The following DNAH1 variants were observed in gnomAD, a reference collection of about 807,000 sequenced individuals.
The protein encoded by DNAH1 is dynein axonemal heavy chain 1, also known as axonemal beta dynein heavy chain 1.
Under a neutral mutation model 484.3 loss-of-function variants are expected in DNAH1, and 327 were observed. That is an observed-to-expected ratio of 0.68 (90% CI 0.62 to 0.74). The LOEUF is 0.74. Ranked by LOEUF, DNAH1 falls within the 30% of genes least tolerant of loss-of-function variation. The pLI, the probability that DNAH1 is intolerant of heterozygous loss-of-function variation, is 0.00. For missense variants in DNAH1, 5,052 were observed against 5,546.8 expected (o/e 0.91, Z 2.83); for synonymous variants, 2,192 against 2,191.9 (o/e 1.00, Z 0.00).
rs1324784441 is a variant in DNAH1 at position 52,394,565 on chromosome 3, C to G, written c.10727C>G (p.Ala3576Gly). Reference sequence around the variant, plus strand: ...GACCGGGCTTGGCGAGACATCCTAGCACTCTCGAACCTGCCAACCTTTTCC... The same window carrying G: ...GACCGGGCTTGGCGAGACATCCTAGGACTCTCGAACCTGCCAACCTTTTCC... Reference protein sequence around the residue: ...LSDRAWRDILALSNLPTFSSF... With the variant: ...LSDRAWRDILGLSNLPTFSSF... The change falls in exon 67 of 78, where the codon GCA (alanine) becomes GGA (glycine). Residue 3576 changes from alanine (A) to glycine (G), a missense_variant. Physicochemically the swap from Ala to Gly is moderately conservative, Grantham distance 60. This residue lies in a region of DNAH1 where 853 missense variants were observed against 899.0 expected (regional missense o/e 0.95). Coordinates refer to ENST00000420323, the MANE Select transcript of DNAH1 (RefSeq NM_015512.5). The G allele has an allele frequency of 1.9e-6, 3 of 1,613,192 alleles. No individual in the cohort carries two copies. Among genetic ancestry groups the G allele is most frequent in the Non-Finnish European group, 2.5e-6 (3 of 1,179,440 alleles).
At chr3:52,346,441 G>A (rs1578111287) in intron 10 of DNAH1, 31 bp from the exon 11 acceptor site, 2 of 1,583,048 alleles carry the variant, frequency 1.3e-6, no homozygotes, top group East Asian at 4.6e-5. Context: ...TCCCCAGGGT[G>A]GCCATATGAT....
rs796374520 is a variant in DNAH1 at position 52,353,220 on chromosome 3, G to A, written c.3145G>A (p.Asp1049Asn). Residue 1049 changes from aspartate (D) to asparagine (N), a missense_variant, in exon 19 of 78, where the codon GAT becomes AAT. Around this residue, in one of 4 missense-constraint regions of DNAH1, gnomAD observed 2,929 missense variants for 3,409.4 expected, o/e 0.86. Transcript: ENST00000420323. The surrounding 1 kb of genome is among the most constrained non-coding windows in gnomAD (Gnocchi z 5.0). ...GATGAATGACCCCCTCTCTGCCATC[G>A]ATGCTGAGCAGCTGGAGAAGAACGT... The part of the protein sequence containing the change: ...SWMNDPLSAI[D>N]AEQLEKNVVE... The A allele has an allele frequency of 1.9e-6, 3 of 1,613,974 alleles. No individual in the cohort carries two copies. The highest frequency in any genetic ancestry group is 2.2e-5 in the East Asian group (1 of 44,888).
intron 59 of DNAH1, 137 bp downstream of exon 59, chr3:52,389,074 G>T (rs1009439221): frequency 4.3e-5 from 49 of 1,150,920 alleles, no homozygotes; most frequent in Admixed American, 8.6e-5. Context: ...CACTTAGCAG[G>T]CTCCCTCTCT....
At chr3:52,366,361 G>A (rs1262784350) in intron 34 of DNAH1, 96 bp from the exon 35 acceptor site, 1 of 926,342 alleles carries the variant, frequency 1.1e-6, no homozygotes. Context: ...TGAGGCTCAG[G>A]GAGTGCAGTG....
chr3:52,351,089 A>T (rs1702359017), intron 16 of DNAH1, among the ~76,000 whole-genome samples: 1 of 152,124 alleles, frequency 6.6e-6, no homozygotes, highest in Admixed American at 6.5e-5. Flanking sequence ...ACCTCAGGTG[A>T]TCCACCCGCC....
chr3:52,375,485 G>C (rs928789114), intron 45 of DNAH1, 72 bp downstream of exon 45: 3 of 1,536,292 alleles, frequency 2.0e-6, no homozygotes, highest in African/African-American at 2.7e-5. Flanking sequence ...AAGGACAACT[G>C]GGTGGCCACC....
At chr3:52,363,770 G>A (rs1366215932) in intron 32 of DNAH1, among the ~76,000 whole-genome samples, 1 of 152,166 alleles carries the variant, frequency 6.6e-6, no homozygotes. Flanking sequence ...CCTTCTCTGG[G>A]TCACCTGCTC....
Position 52,384,805 on chromosome 3 carries a change from T to C in DNAH1, c.8342T>C (p.Ile2781Thr), listed in dbSNP as rs1704025715. Residue 2781 changes from isoleucine (I) to threonine (T), a missense_variant, in exon 53 of 78, where the codon ATC (isoleucine) becomes ACC (threonine). By Grantham distance (89) the Ile-to-Thr change is moderately conservative (BLOSUM62 -1). This residue lies in a region of DNAH1 where 2,929 missense variants were observed against 3,409.4 expected (regional missense o/e 0.86). Coordinates refer to ENST00000420323, the MANE Select transcript of DNAH1 (RefSeq NM_015512.5). ...CCCCAGATCCAGGTCTGTGTGTACA[T>C]CCACCAGTCGGTGTCCAAGAAGTGC... ...IQGLIQVCVY[I>T]HQSVSKKCIE... The C allele has an allele frequency of 6.2e-7, 1 of 1,605,918 alleles. No homozygotes were observed. The highest frequency in any genetic ancestry group is 8.5e-7 in the Non-Finnish European group (1 of 1,176,248).
Position 52,364,805 on chromosome 3 carries a change from C to T in DNAH1, c.5332-28C>T, listed in dbSNP as rs1703003235. On this transcript the variant is annotated intron_variant, in intron 33 of 77. Transcript: ENST00000420323. The surrounding 1 kb of genome is among the most constrained non-coding windows in gnomAD (Gnocchi z 4.2). The stretch of plus-strand genomic sequence containing the variant: ...GCTGGAGGGCAGCTGGCCCACTGCC[C>T]TGAAGGCTCAGCCGGCACCTGCTGC... 4 of 1,610,036 alleles carry T rather than the reference C, an allele frequency of 2.5e-6. No individual in the cohort carries two copies. Among genetic ancestry groups the T allele is most frequent in the African/African-American group, 1.3e-5 (1 of 75,006 alleles).
intron 7 of DNAH1, among the ~76,000 whole-genome samples, chr3:52,331,669 G>T (rs1327994108): frequency 7.1e-6 from 1 of 141,008 alleles, no homozygotes; most frequent in Non-Finnish European, 1.5e-5. Flanking sequence ...CTGTCACCCA[G>T]GCTGGAGTGC....
chr3:52,376,483 G>A (rs888714644), intron 46 of DNAH1, among the ~76,000 whole-genome samples: 2 of 152,122 alleles, frequency 1.3e-5, no homozygotes, highest in African/African-American at 4.8e-5. Flanking sequence ...CTCCCTTTTG[G>A]GTCTGCACCC....
Position 52,362,638 on chromosome 3 carries a change from A to T in DNAH1, c.5094+137A>T. 1 of 841,606 alleles carries T rather than the reference A, an allele frequency of 1.2e-6. No individual in the cohort carries two copies. The highest frequency in any genetic ancestry group is 1.9e-6 in the Non-Finnish European group (1 of 538,804). 52.1% of individuals were successfully genotyped at this position (841,606 alleles called of 1,614,324 possible). On this transcript the variant is annotated intron_variant, in intron 31 of 77. Transcript: ENST00000420323. The surrounding 1 kb of genome is among the most constrained non-coding windows in gnomAD (Gnocchi z 5.1). Reference sequence around the variant, plus strand: ...CCCTATGGTAGCCCCTTAGCCATGGAGGGGAGGCCTCAGGGCCTCAGACTT... The same window carrying T: ...CCCTATGGTAGCCCCTTAGCCATGGTGGGGAGGCCTCAGGGCCTCAGACTT...
In DNAH1 at chr3:52,395,317, CT is replaced by C. The variant is rs757847775; in HGVS notation, c.10979del (p.Leu3660ArgfsTer35). ...PRFIEPQTAN[L>X]SVVFKDSNST... ...CCCCCTGCCCTTGCAGACAGCCAAT[CT>C]GTCAGTGGTGTTCAAAGACTCCAAC... On this transcript the variant is annotated frameshift_variant, in exon 69 of 78. Coordinates refer to ENST00000420323, the MANE Select transcript of DNAH1 (RefSeq NM_015512.5). LOFTEE classifies it high-confidence loss of function. This position sits in a 1 kb window ranked among gnomAD's most constrained non-coding sequence, Gnocchi z 4.4. The C allele has an allele frequency of 1.9e-6, 3 of 1,613,370 alleles. No individual in the cohort carries two copies. In the African/African-American group the frequency reaches 4.0e-5, roughly 22 times the overall value.
In DNAH1 at chr3:52,359,290, C is replaced by A. The variant is rs1361029035; in HGVS notation, c.4311C>A (p.Thr1437=). The change falls in exon 26 of 78, where the codon ACC becomes ACA. Residue 1437 remains threonine, a synonymous_variant. Transcript: ENST00000420323. ...TTCTGAACTGGCCTGGCCAGGTGACCATCGCTGGGTGCCAGACCTACTGGA... is the reference window on the plus strand; with the variant it reads ...TTCTGAACTGGCCTGGCCAGGTGACAATCGCTGGGTGCCAGACCTACTGGA... ...QWVLNWPGQV[T]IAGCQTYWTM... 2.5e-6 allele frequency: 4 copies of A among 1,568,830 alleles called. No individual in the cohort carries two copies. Among genetic ancestry groups the A allele is most frequent in the Non-Finnish European group, 2.6e-6 (3 of 1,156,158 alleles).
chr3:52,375,834 T>C, intron 45 of DNAH1, 121 bp from the exon 46 acceptor site: 1 of 1,181,558 alleles, frequency 8.5e-7, no homozygotes, highest in Non-Finnish European at 1.2e-6. Flanking sequence ...TCTGAGCCTT[T>C]ATGGGGTTTG....
chr3:52,345,711 G>C lies in DNAH1; in HGVS notation c.1656+5G>C. The C allele has an allele frequency of 6.2e-7, 1 of 1,610,810 alleles. No individual in the cohort carries two copies. The highest frequency in any genetic ancestry group is 8.5e-7 in the Non-Finnish European group (1 of 1,178,458). The stretch of plus-strand genomic sequence containing the variant: ...CAGTCACAGACCTTCTCCCAGGTTT[G>C]TGGGCATCAAGGGCACAGGGGGCAA... On this transcript the variant is annotated splice_donor_5th_base_variant and intron_variant, in intron 10 of 77. Transcript: ENST00000420323.
At position 52,391,060 on chromosome 3, in the gene DNAH1, C is replaced by G. The variant is rs1302601873; in HGVS notation, c.9741+6C>G. On this transcript the variant is annotated splice_donor_region_variant and intron_variant, in intron 61 of 77. Coordinates refer to ENST00000420323, the MANE Select transcript of DNAH1 (RefSeq NM_015512.5). The stretch of plus-strand genomic sequence containing the variant: ...ACAAATGGATCAAGAACATGGTGAG[C>G]CCACCCACCAGGCACCACCACCCCA... 6.4e-7 allele frequency: 1 copy of G among 1,569,206 alleles called. No homozygotes were observed. The highest frequency in any genetic ancestry group is 8.6e-7 in the Non-Finnish European group (1 of 1,157,008).
rs1022314267 is a variant in DNAH1 at position 52,359,419 on chromosome 3, T to C, written c.4407+33T>C. ...TCAAGAGGACCCCTGTCTGTCCCCC[T>C]CCACCCCCTACATGGCACAGGAGGG... On this transcript the variant is annotated intron_variant, in intron 26 of 77. Coordinates refer to ENST00000420323, the MANE Select transcript of DNAH1 (RefSeq NM_015512.5). 3.9e-6 allele frequency: 6 copies of C among 1,558,344 alleles called. No individual in the cohort carries two copies. In the African/African-American group the frequency reaches 8.2e-5, roughly 21 times the overall value.
chr3:52,368,891 C>G lies in DNAH1; in HGVS notation c.5916C>G (p.Ser1972Arg). Reference protein sequence around the residue: ...VLDDNKKLCLSSGEIIKLTEA... With the variant: ...VLDDNKKLCLRSGEIIKLTEA... The stretch of plus-strand genomic sequence containing the variant: ...ATGACAACAAGAAGCTGTGCCTCAG[C>G]TCTGGGGAGATCATCAAGCTCACAG... Residue 1972 changes from serine (S) to arginine (R), a missense_variant, in exon 37 of 78, where the codon AGC becomes AGG. Ser to Arg is a moderately radical substitution (Grantham distance 110). Transcript: ENST00000420323. The surrounding 1 kb of genome is among the most constrained non-coding windows in gnomAD (Gnocchi z 4.4). The G allele has an allele frequency of 6.2e-7, 1 of 1,613,938 alleles. No homozygotes were observed. The highest frequency in any genetic ancestry group is 8.5e-7 in the Non-Finnish European group (1 of 1,179,834).
Sources: allele counts gnomAD v4.1 joint callset (sites outside exome capture counted in the v4.1 genomes callset), GRCh38; gene constraint gnomAD v4.1.1; regional missense constraint gnomAD v4.1.1; non-coding constraint Gnocchi (gnomAD v3.1); transcripts MANE v1.5; gene names NCBI Gene and HGNC (gene_info 2026-07-23, HGNC 2026-07-21).